Variants in SYNE1 observed in about 807,000 individuals in gnomAD.
SYNE1 encodes the protein spectrin repeat containing nuclear envelope protein 1.
In SYNE1, 616 loss-of-function variants were observed where a neutral mutation model predicts 1,111.0. The observed-to-expected ratio is 0.55, with a 90% CI of 0.52 to 0.59. SYNE1 has a LOEUF of 0.59. Among genes scored for constraint, SYNE1 ranks in the 20% least tolerant of loss-of-function variants. The pLI is 0.00. For synonymous variants in SYNE1, 3,855 were observed against 3,825.8 expected, an observed-to-expected ratio of 1.01 and a Z score of -0.28; for missense variants, 10,006 against 10,417.0, an observed-to-expected ratio of 0.96 and a Z score of 1.72.
intron 101 of SYNE1, among the ~76,000 whole-genome samples, chr6:152,258,741 T>C (rs1319319507): frequency 6.6e-5 from 10 of 151,094 alleles, no homozygotes; most frequent in Non-Finnish European, 1.3e-4. Flanking sequence ...TTTTCTTTTT[T>C]TCTTCTTCTT....
intron 125 of SYNE1, 139 bp from the exon 126 acceptor site, chr6:152,206,501 A>C: frequency 1.2e-6 from 1 of 837,304 alleles, no homozygotes; most frequent in Non-Finnish European, 1.9e-6. Flanking sequence ...ACATGCATGC[A>C]CCAGTGAATA....
At chr6:152,316,297 C>T (rs1289749094) in intron 87 of SYNE1, 1 of 162,852 alleles carries the variant, frequency 6.1e-6, no homozygotes, top group East Asian at 1.7e-4. Flanking sequence ...CCACTGAGCA[C>T]CTGCATGTGC....
chr6:152,151,075 T>C (rs2103809), intron 135 of SYNE1, among the ~76,000 whole-genome samples: 6,572 of 151,878 alleles, frequency 0.043, 172 homozygotes, highest in Middle Eastern at 0.088. Context: ...TACAAAAATT[T>C]GCCGGACTTG....
At chr6:152,218,553 G>T in intron 120 of SYNE1, 150 bp from the exon 121 acceptor site, 1 of 888,106 alleles carries the variant, frequency 1.1e-6, no homozygotes, top group South Asian at 1.6e-5. Context: ...TATAAAAAAA[G>T]CTATAACAAT....
At chr6:152,571,014 C>A (rs991474278) in intron 3 of SYNE1, among the ~76,000 whole-genome samples, 3 of 152,210 alleles carry the variant, frequency 2.0e-5, no homozygotes, top group Non-Finnish European at 4.4e-5. Flanking sequence ...AGGGAAGGGA[C>A]TTTGCTCAGA....
intron 127 of SYNE1, among the ~76,000 whole-genome samples, chr6:152,192,560 C>T (rs1426401067): frequency 6.6e-6 from 1 of 152,050 alleles, no homozygotes; most frequent in African/African-American, 2.4e-5. Context: ...TAACGTCCAC[C>T]ACCTGGGTTC....
At chr6:152,526,057 T>C (rs1349920267) in intron 5 of SYNE1, 23 bp downstream of exon 5, 6 of 1,605,738 alleles carry the variant, frequency 3.7e-6, no homozygotes, top group African/African-American at 1.3e-5. Context: ...TTGACAAGTA[T>C]GATCACACAA....
chr6:152,395,046 G>T (rs903945448), intron 51 of SYNE1, among the ~76,000 whole-genome samples: 3 of 151,750 alleles, frequency 2.0e-5, no homozygotes, highest in Non-Finnish European at 4.4e-5. Context: ...GCCTCCCAAA[G>T]TGCTGGGATT....
intron 93 of SYNE1, among the ~76,000 whole-genome samples, chr6:152,297,340 G>A (rs1279141779): frequency 1.3e-5 from 2 of 152,098 alleles, no homozygotes. Flanking sequence ...ACTAAAGGGG[G>A]CCATCCTTGA....
At chr6:152,532,739 A>G (rs1594811684) in intron 4 of SYNE1, among the ~76,000 whole-genome samples, 1 of 152,230 alleles carries the variant, frequency 6.6e-6, no homozygotes, top group Admixed American at 6.5e-5. Context: ...AACCAGATAA[A>G]CCACTACTTC....
At chr6:152,559,909 A>G (rs369610974) in intron 3 of SYNE1, among the ~76,000 whole-genome samples, 1 of 152,368 alleles carries the variant, frequency 6.6e-6, no homozygotes, top group East Asian at 1.9e-4. Flanking sequence ...GAGGAGATTC[A>G]AATAAATAAA....
intron 124 of SYNE1, among the ~76,000 whole-genome samples, chr6:152,209,119 G>A (rs887332118): frequency 6.6e-6 from 1 of 152,162 alleles, no homozygotes; most frequent in Non-Finnish European, 1.5e-5. Flanking sequence ...TGCAAGTAAT[G>A]TTGCACTTTA....
chr6:152,590,536 A>G (rs934427135), intron 3 of SYNE1, among the ~76,000 whole-genome samples: 1 of 152,138 alleles, frequency 6.6e-6, no homozygotes, highest in Non-Finnish European at 1.5e-5. Context: ...CATAGTTTCT[A>G]CAATTATTAC....
intron 104 of SYNE1, among the ~76,000 whole-genome samples, chr6:152,254,498 C>T (rs2090354695): frequency 6.6e-6 from 1 of 152,046 alleles, no homozygotes; most frequent in South Asian, 2.1e-4. Context: ...GATTTGCCTG[C>T]CGTGGCCTCC....
intron 115 of SYNE1, among the ~76,000 whole-genome samples, chr6:152,226,302 AG>A (rs982485204): frequency 5.4e-5 from 7 of 130,824 alleles, no homozygotes; most frequent in African/African-American, 1.9e-4. Flanking sequence ...TCTGAGATTT[AG>A]TCACATTTCT....
At chr6:152,589,015 TCTTGG>T (rs1318501311) in intron 3 of SYNE1, among the ~76,000 whole-genome samples, 2 of 152,010 alleles carry the variant, frequency 1.3e-5, no homozygotes, top group Non-Finnish European at 2.9e-5. Flanking sequence ...AGAGGCATGA[TCTTGG>T]CTCACTGCAA....
chr6:152,528,776 G>A (rs2154356362), intron 4 of SYNE1, among the ~76,000 whole-genome samples: 1 of 152,284 alleles, frequency 6.6e-6, no homozygotes, highest in Non-Finnish European at 1.5e-5. Context: ...TTCACTTTTA[G>A]AAGTTAATAA....
intron 135 of SYNE1, among the ~76,000 whole-genome samples, chr6:152,150,941 G>T (rs1179572866): frequency 6.6e-6 from 1 of 152,132 alleles, no homozygotes; most frequent in Non-Finnish European, 1.5e-5. Flanking sequence ...GCCAGGAAGG[G>T]TGGCTCACAC....
In SYNE1 at chr6:152,345,449, A is replaced by AT. The variant is rs1004659978; in HGVS notation, c.12079-1223dup. ...CCTCTTTTGTTAACCTTTGAAGGTGATTTTTTTTTAAGTCTAGGAAGTTGA... is the reference window on the plus strand; with the variant it reads ...CCTCTTTTGTTAACCTTTGAAGGTGATTTTTTTTTTAAGTCTAGGAAGTTGA... On this transcript the variant is annotated intron_variant, in intron 73 of 145. Transcript: ENST00000367255. Among the ~76,000 whole-genome samples the AT allele has an allele frequency of 1.1e-4, 16 of 151,178 alleles. No individual in the cohort carries two copies. The East Asian group carries it at 1.6e-3, about 15-fold the overall frequency.
Sources: allele counts gnomAD v4.1 joint callset (sites outside exome capture counted in the v4.1 genomes callset), GRCh38; gene constraint gnomAD v4.1.1; transcripts MANE v1.5; gene names NCBI Gene and HGNC (gene_info 2026-07-23, HGNC 2026-07-21).